IRAG2: variants seen among roughly 807,000 people sequenced by gnomAD.
IRAG2 encodes the protein lymphoid restricted membrane protein.
In IRAG2, 45 loss-of-function variants were observed where a neutral mutation model predicts 69.9. The ratio of observed to expected loss-of-function variants is 0.64; its 90% CI spans 0.51 to 0.83. The LOEUF (loss-of-function observed/expected upper bound fraction) is 0.83. Among genes scored for constraint, IRAG2 ranks in the 40% least tolerant of loss-of-function variants. The pLI is 0.00. For missense variants in IRAG2, 520 were observed against 587.0 expected (o/e 0.89, Z 1.18); for synonymous variants, 193 against 202.4 (o/e 0.95, Z 0.40).
chr12:25,000,152 A>G (rs547915747), upstream of IRAG2, among the ~76,000 whole-genome samples: 2 of 152,330 alleles, frequency 1.3e-5, no homozygotes, highest in Non-Finnish European at 2.9e-5. Flanking sequence ...GGATATTAAA[A>G]CTACTTTAAT....
chr12:25,089,836 A>C lies in IRAG2; in HGVS notation c.465+46A>C, dbSNP rs764875068. The C allele has an allele frequency of 7.6e-6, 12 of 1,588,096 alleles. No individual in the cohort carries two copies. The Admixed American group carries it at 2.0e-4, about 27-fold the overall frequency. ...TTTTCCTTTTAAAAAAGTGTTCCAG[A>C]CTCACCTGCTACAGTCACTTCATGT... is the stretch of plus-strand genomic sequence containing the variant. On this transcript the variant is annotated intron_variant, in intron 13 of 21. Coordinates refer to ENST00000556887, the MANE Select transcript of IRAG2 (RefSeq NM_001366544.2).
intron 16 of IRAG2, among the ~76,000 whole-genome samples, chr12:25,040,379 T>C (rs1944738453): frequency 6.6e-6 from 1 of 152,128 alleles, no homozygotes; most frequent in Admixed American, 6.5e-5. Context: ...TGGTGATGCA[T>C]GCCTGTAGTC....
chr12:25,068,428 C>T (rs1382194928), intron 5 of IRAG2, among the ~76,000 whole-genome samples: 2 of 152,174 alleles, frequency 1.3e-5, no homozygotes, highest in Non-Finnish European at 2.9e-5. Flanking sequence ...AAATCAGAAG[C>T]TTTCCAAGTG....
At chr12:25,012,923 T>C (rs1252884081) in intron 3 of IRAG2, among the ~76,000 whole-genome samples, 1 of 152,212 alleles carries the variant, frequency 6.6e-6, no homozygotes, top group African/African-American at 2.4e-5. Context: ...GACTGAAATG[T>C]TGCATGCCAT....
At chr12:25,106,105 G>A (rs940134730) in intron 20 of IRAG2, among the ~76,000 whole-genome samples, 19 of 151,860 alleles carry the variant, frequency 1.3e-4, no homozygotes, top group Non-Finnish European at 1.9e-4. Context: ...TCAAAAACAC[G>A]TTTTAAATTA....
At chr12:25,084,153 C>T (rs1435450797) in intron 10 of IRAG2, among the ~76,000 whole-genome samples, 3 of 152,082 alleles carry the variant, frequency 2.0e-5, no homozygotes, top group Admixed American at 1.3e-4. Flanking sequence ...TTTGAGAGAT[C>T]GAGGTGGAAG....
At chr12:25,100,013 A>AAAAAAAAAC (rs1948660691) in intron 15 of IRAG2, among the ~76,000 whole-genome samples, 1 of 150,044 alleles carries the variant, frequency 6.7e-6, no homozygotes, top group Non-Finnish European at 1.5e-5. Flanking sequence ...AAAAAAAAAA[A>AAAAAAAAAC]AAAAAAAAAA....
chr12:25,060,436 T>A (rs1014306206), intron 1 of IRAG2, among the ~76,000 whole-genome samples: 9 of 152,202 alleles, frequency 5.9e-5, no homozygotes, highest in African/African-American at 2.2e-4. Context: ...TATTTTTAGT[T>A]TCACAGAATG....
intron 13 of IRAG2, among the ~76,000 whole-genome samples, chr12:25,034,351 A>T (rs1944689753): frequency 6.6e-6 from 1 of 152,222 alleles, no homozygotes; most frequent in African/African-American, 2.4e-5. Flanking sequence ...CAGAAACAAT[A>T]CCAAATTTAT....
At chr12:25,078,530 TTAAAA>T (rs1387248616) in intron 6 of IRAG2, among the ~76,000 whole-genome samples, 4 of 152,198 alleles carry the variant, frequency 2.6e-5, no homozygotes, top group Admixed American at 6.5e-5. Context: ...AATCAAATAA[TTAAAA>T]TAATATACTA....
At chr12:25,080,430 C>T (rs1592035560) in intron 9 of IRAG2, among the ~76,000 whole-genome samples, 1 of 151,102 alleles carries the variant, frequency 6.6e-6, no homozygotes, top group South Asian at 2.1e-4. Flanking sequence ...CAGCTCACTA[C>T]AAGCTCCGCC....
chr12:25,013,875 T>TTC (rs1555125311), intron 3 of IRAG2, among the ~76,000 whole-genome samples: 14 of 124,602 alleles, frequency 1.1e-4, no homozygotes, highest in Non-Finnish European at 2.2e-4. Flanking sequence ...TCTTTTTTTT[T>TTC]TTTTTTTTTT....
At chr12:25,021,990 G>C (rs1270951569) in intron 7 of IRAG2, among the ~76,000 whole-genome samples, 1 of 152,184 alleles carries the variant, frequency 6.6e-6, no homozygotes, top group Non-Finnish European at 1.5e-5. Context: ...GAGAGAACTG[G>C]TCAAGAGCCC....
intron 5 of IRAG2, among the ~76,000 whole-genome samples, 170 bp from the exon 6 acceptor site, chr12:25,069,180 T>C (rs192774501): frequency 1.7e-3 from 266 of 152,368 alleles, no homozygotes; most frequent in African/African-American, 5.8e-3. Flanking sequence ...CTCTCTCTGA[T>C]GGAGGTGGGA....
upstream of IRAG2, among the ~76,000 whole-genome samples, chr12:25,049,712 T>C (rs7138057): frequency 0.8 from 121,544 of 152,056 alleles, 49,863 homozygotes; most frequent in South Asian, 0.9. Flanking sequence ...GACGGCCGGA[T>C]GCGGTGGCTC....
At chr12:25,001,534 A>G (rs1419071842), upstream of IRAG2, among the ~76,000 whole-genome samples, 1 of 152,130 alleles carries the variant, frequency 6.6e-6, no homozygotes, top group East Asian at 1.9e-4. Context: ...ATGTGCTAGG[A>G]ACATTAATCT....
intron 15 of IRAG2, among the ~76,000 whole-genome samples, chr12:25,099,892 C>T (rs1431620129): frequency 1.4e-5 from 2 of 147,696 alleles, no homozygotes; most frequent in Non-Finnish European, 1.5e-5. Flanking sequence ...CCCAGCTACT[C>T]GGGAGACTGA....
chr12:25,078,722 G>A (rs1946988256), intron 6 of IRAG2, among the ~76,000 whole-genome samples: 1 of 152,162 alleles, frequency 6.6e-6, no homozygotes, highest in Non-Finnish European at 1.5e-5. Context: ...ATTTTGTTAA[G>A]CTCTTTTTGA....
chr12:25,104,169 G>A (rs1948904688), intron 19 of IRAG2, 111 bp downstream of exon 19: 1 of 977,188 alleles, frequency 1.0e-6, no homozygotes, highest in South Asian at 1.6e-5. Flanking sequence ...TGTACAAAGT[G>A]TAAACAGAAT....
Sources: allele counts gnomAD v4.1 joint callset (sites outside exome capture counted in the v4.1 genomes callset), GRCh38; gene constraint gnomAD v4.1.1; transcripts MANE v1.5; gene names NCBI Gene and HGNC (gene_info 2026-07-23, HGNC 2026-07-21).